SPATA6: variants seen among roughly 807,000 people sequenced by gnomAD.
SPATA6 encodes the protein spermatogenesis-associated protein 6.
A neutral mutation model predicts 65.3 loss-of-function variants in SPATA6; 56 were observed. That is an observed-to-expected ratio of 0.86 (90% CI 0.69 to 1.07). The LOEUF is 1.07. Ranked by LOEUF, SPATA6 falls within the 50% of genes least tolerant of loss-of-function variation. The pLI is 0.00. For synonymous variants in SPATA6, 199 were observed against 213.2 expected, an observed-to-expected ratio of 0.93 and a Z score of 0.58; for missense variants, 590 against 594.8, an observed-to-expected ratio of 0.99 and a Z score of 0.08.
chr1:48,326,525 A>C (rs1423365430), intron 11 of SPATA6, among the ~76,000 whole-genome samples: 1 of 151,538 alleles, frequency 6.6e-6, no homozygotes. Flanking sequence ...ATGAAACAAA[A>C]AAAAAAAAAA....
intron 9 of SPATA6, among the ~76,000 whole-genome samples, chr1:48,361,144 G>A (rs1646801397): frequency 6.6e-6 from 1 of 152,056 alleles, no homozygotes; most frequent in Non-Finnish European, 1.5e-5. Context: ...TATTGCACTG[G>A]GTGATATTGC....
intron 9 of SPATA6, among the ~76,000 whole-genome samples, chr1:48,370,961 C>T (rs1010801743): frequency 6.6e-6 from 1 of 152,136 alleles, no homozygotes; most frequent in Non-Finnish European, 1.5e-5. Flanking sequence ...GAAAACATTC[C>T]CAACTAAAGT....
chr1:48,347,207 C>T (rs1400509689), intron 11 of SPATA6, among the ~76,000 whole-genome samples: 1 of 151,780 alleles, frequency 6.6e-6, no homozygotes, highest in Admixed American at 6.6e-5. Context: ...GAAAAACAAG[C>T]AATGGGGAAG....
At chr1:48,438,396 C>T (rs773208424) in intron 3 of SPATA6, among the ~76,000 whole-genome samples, 15 of 152,174 alleles carry the variant, frequency 9.9e-5, no homozygotes, top group Non-Finnish European at 4.4e-5. Context: ...AAGCGACTAG[C>T]GCAGCCGCCG....
intron 9 of SPATA6, among the ~76,000 whole-genome samples, chr1:48,367,203 G>A (rs1186140804): frequency 2.0e-5 from 3 of 152,168 alleles, no homozygotes; most frequent in Non-Finnish European, 4.4e-5. Flanking sequence ...GCTGAGGAGT[G>A]CTTTACTTCC....
the SPATA6 span, among the ~76,000 whole-genome samples, chr1:48,264,168 G>A: frequency 6.6e-6 from 1 of 152,026 alleles, no homozygotes; most frequent in South Asian, 2.1e-4. Flanking sequence ...TGTAACCTTT[G>A]GGATGTCAGA....
At chr1:48,362,366 T>C (rs571187083) in intron 9 of SPATA6, among the ~76,000 whole-genome samples, 4 of 152,330 alleles carry the variant, frequency 2.6e-5, no homozygotes, top group African/African-American at 9.6e-5. Flanking sequence ...ATTTTCTTTT[T>C]ATCAATTTCA....
At chr1:48,416,488 T>C (rs1049498484) in intron 3 of SPATA6, among the ~76,000 whole-genome samples, 2 of 152,224 alleles carry the variant, frequency 1.3e-5, no homozygotes, top group Admixed American at 6.5e-5. Context: ...TGTGTGTATA[T>C]TTATGTATGT....
Position 48,411,461 on chromosome 1 carries a change from T to TA in SPATA6, c.405+2dup. 6.2e-7 allele frequency: 1 copy of TA among 1,605,266 alleles called. No homozygotes were observed. The highest frequency in any genetic ancestry group is 1.3e-5 in the African/African-American group (1 of 74,808). ...ACTGATTCAGAAAATTGCAAGCACT[T>TA]ACTCGAAGGCCAGAAATCCTCCTCA... On this transcript the variant is annotated splice_region_variant and intron_variant, in intron 5 of 12. Transcript: ENST00000371847.
chr1:48,471,367 T>C (rs1158004139), intron 1 of SPATA6, among the ~76,000 whole-genome samples: 1 of 152,290 alleles, frequency 6.6e-6, no homozygotes, highest in African/African-American at 2.4e-5. Flanking sequence ...AAGTGATTTC[T>C]GAGGAGTTGG....
chr1:48,437,853 A>C (rs1655083079), intron 3 of SPATA6, among the ~76,000 whole-genome samples: 1 of 151,548 alleles, frequency 6.6e-6, no homozygotes, highest in Admixed American at 6.6e-5. Flanking sequence ...TAGATCTTAA[A>C]TTCATGCACC....
At chr1:48,278,453 AT>A in the SPATA6 span, among the ~76,000 whole-genome samples, 1 of 152,228 alleles carries the variant, frequency 6.6e-6, no homozygotes, top group Non-Finnish European at 1.5e-5. Flanking sequence ...AGACGAATGT[AT>A]AACTAGAATA....
At chr1:48,452,521 T>C (rs1656664883) in intron 2 of SPATA6, among the ~76,000 whole-genome samples, 1 of 151,962 alleles carries the variant, frequency 6.6e-6, no homozygotes, top group South Asian at 2.1e-4. Context: ...GTAAGTGGGA[T>C]TATAGGCAGG....
At chr1:48,322,823 CTCA>C (rs1171605849) in intron 11 of SPATA6, among the ~76,000 whole-genome samples, 5 of 152,212 alleles carry the variant, frequency 3.3e-5, no homozygotes, top group Non-Finnish European at 7.3e-5. Flanking sequence ...TGAAAAAATG[CTCA>C]TCATCATTGG....
intron 10 of SPATA6, among the ~76,000 whole-genome samples, chr1:48,356,502 T>C (rs981794586): frequency 6.6e-6 from 1 of 150,626 alleles, no homozygotes; most frequent in Non-Finnish European, 1.5e-5. Context: ...CTTCCCAGTT[T>C]GTCCTTTCTT....
chr1:48,339,662 T>C (rs1646154333), intron 11 of SPATA6, among the ~76,000 whole-genome samples: 1 of 151,746 alleles, frequency 6.6e-6, no homozygotes, highest in African/African-American at 2.4e-5. Context: ...TAACAGCAGA[T>C]CAGAATCAGT....
At chr1:48,286,071 T>A in the SPATA6 span, among the ~76,000 whole-genome samples, 3 of 152,228 alleles carry the variant, frequency 2.0e-5, no homozygotes, top group African/African-American at 7.2e-5. Flanking sequence ...TTGTTTATTA[T>A]AGCTTTGTAA....
chr1:48,337,649 T>C (rs1479140669), intron 11 of SPATA6, among the ~76,000 whole-genome samples: 1 of 151,940 alleles, frequency 6.6e-6, no homozygotes, highest in African/African-American at 2.4e-5. Flanking sequence ...AATGCGTGAA[T>C]GTAGGTAGGT....
intron 3 of SPATA6, among the ~76,000 whole-genome samples, chr1:48,443,504 A>G (rs1655717484): frequency 6.6e-6 from 1 of 152,200 alleles, no homozygotes; most frequent in African/African-American, 2.4e-5. Context: ...TTTGCAAGAA[A>G]TAACAAAATC....
Sources: allele counts gnomAD v4.1 joint callset (sites outside exome capture counted in the v4.1 genomes callset), GRCh38; gene constraint gnomAD v4.1.1; transcripts MANE v1.5; gene names NCBI Gene and HGNC (gene_info 2026-07-23, HGNC 2026-07-21).